The following GLRB variants were observed in gnomAD, a reference collection of about 807,000 sequenced individuals.
The protein encoded by GLRB is glycine receptor subunit beta.
GLRB carries 33 observed loss-of-function variants against 54.2 expected under a neutral mutation model. The observed-to-expected ratio is 0.61, with a 90% CI of 0.46 to 0.81. The LOEUF (loss-of-function observed/expected upper bound fraction) is 0.81, where lower values mean the gene tolerates loss of function less well. Ranked by LOEUF, GLRB falls within the 40% of genes least tolerant of loss-of-function variation. GLRB has a pLI of 0.00. For synonymous variants in GLRB, 209 were observed against 208.2 expected (o/e 1.00, Z -0.03); for missense variants, 572 against 584.6 (o/e 0.98, Z 0.22).
At position 157,143,816 on chromosome 4, in the gene GLRB, CA is replaced by C; in HGVS notation, c.762del (p.Cys255AlafsTer8). ...TGTTTGCTTCTGAAAGGCTACTACA[CA>C]TGCGTGGAAGTCATCTTCACCCTGA... Reference protein sequence around the residue: ...TKYYKGTGYYTCVEVIFTLRR... With the variant: ...TKYYKGTGYYXCVEVIFTLRR... On this transcript the variant is annotated frameshift_variant, in exon 8 of 10. Coordinates refer to ENST00000264428, the MANE Select transcript of GLRB (RefSeq NM_000824.5). LOFTEE classifies it high-confidence loss of function. 1 of 1,613,250 alleles carries C rather than the reference CA, an allele frequency of 6.2e-7. No homozygotes were observed. Among genetic ancestry groups the C allele is most frequent in the Non-Finnish European group, 8.5e-7 (1 of 1,179,844 alleles).
intron 4 of GLRB, among the ~76,000 whole-genome samples, chr4:157,126,011 A>G (rs1440659688): frequency 6.6e-6 from 1 of 151,906 alleles, no homozygotes; most frequent in African/African-American, 2.4e-5. Context: ...AGAAAGCACA[A>G]TGCAGAACAC....
At chr4:157,124,337 A>G (rs1019192100) in intron 4 of GLRB, among the ~76,000 whole-genome samples, 17 of 151,682 alleles carry the variant, frequency 1.1e-4, no homozygotes, top group African/African-American at 4.1e-4. Context: ...TTTTCAATCT[A>G]GGTTTTTCAT....
intron 4 of GLRB, among the ~76,000 whole-genome samples, chr4:157,124,856 A>C (rs78634779): frequency 0.033 from 5,049 of 151,990 alleles, 104 homozygotes; most frequent in Non-Finnish European, 0.051. Flanking sequence ...AGATGTAAAT[A>C]TTCCATTTTA....
At chr4:157,112,417 A>G (rs1288665342) in intron 2 of GLRB, among the ~76,000 whole-genome samples, 2 of 152,040 alleles carry the variant, frequency 1.3e-5, no homozygotes, top group African/African-American at 4.8e-5. Flanking sequence ...AAACTGTTAA[A>G]TGAATTAAGG....
At chr4:157,148,552 G>T (rs560642778) in intron 8 of GLRB, among the ~76,000 whole-genome samples, 1 of 151,804 alleles carries the variant, frequency 6.6e-6, no homozygotes, top group Non-Finnish European at 1.5e-5. Context: ...CACAAATTTT[G>T]GTATATTGTA....
At chr4:157,124,213 G>A (rs1735933879) in intron 4 of GLRB, among the ~76,000 whole-genome samples, 1 of 151,726 alleles carries the variant, frequency 6.6e-6, no homozygotes, top group South Asian at 2.1e-4. Context: ...CTTATCCTCG[G>A]TACCAGATTC....
rs17035650 is a variant in GLRB at position 157,097,574 on chromosome 4, C to T, written c.122+19428C>T. Among the ~76,000 whole-genome samples, 1,150 of 152,222 alleles carry T rather than the reference C, an allele frequency of 7.6e-3. 16 individuals are homozygous for T. Among genetic ancestry groups the T allele is most frequent in the African/African-American group, 0.027 (1,113 of 41,538 alleles). On this transcript the variant is annotated intron_variant, in intron 2 of 9. Coordinates refer to ENST00000264428, the MANE Select transcript of GLRB (RefSeq NM_000824.5). Reference sequence around the variant, plus strand: ...TTGATGGGCTATGTATTAGGGCACCCAAATTTGTCCACCTAATTTTTTCCA... The same window carrying T: ...TTGATGGGCTATGTATTAGGGCACCTAAATTTGTCCACCTAATTTTTTCCA...
chr4:157,125,990 G>T (rs887989248), intron 4 of GLRB, among the ~76,000 whole-genome samples: 1 of 151,752 alleles, frequency 6.6e-6, no homozygotes. Context: ...TCAGCAGATA[G>T]TGCTTATTAA....
chr4:157,134,220 C>A (rs1189880005), intron 4 of GLRB, among the ~76,000 whole-genome samples: 1 of 151,892 alleles, frequency 6.6e-6, no homozygotes, highest in Non-Finnish European at 1.5e-5. Flanking sequence ...AGCAGCCAAC[C>A]AGTATACATT....
chr4:157,164,057 G>C (rs1292592977), intron 9 of GLRB, among the ~76,000 whole-genome samples: 1 of 151,942 alleles, frequency 6.6e-6, no homozygotes, highest in African/African-American at 2.4e-5. Context: ...TGTTGTTGCT[G>C]TTCTGTCTAC....
intron 8 of GLRB, among the ~76,000 whole-genome samples, chr4:157,146,321 A>C (rs1416057966): frequency 1.3e-5 from 2 of 151,470 alleles, no homozygotes; most frequent in African/African-American, 2.4e-5. Flanking sequence ...GGCCGATTTT[A>C]GTTTTTATTC....
At chr4:157,144,057 T>C in intron 8 of GLRB, 98 bp downstream of exon 8, 5 of 1,264,250 alleles carry the variant, frequency 4.0e-6, no homozygotes, top group Non-Finnish European at 4.6e-6. Context: ...AGTTTTAGAA[T>C]TGTTAGCCAC....
intron 1 of GLRB, among the ~76,000 whole-genome samples, chr4:157,076,760 C>G (rs1360456116): frequency 2.6e-5 from 4 of 151,902 alleles, no homozygotes; most frequent in African/African-American, 9.7e-5. Context: ...GGAGAAGTAC[C>G]TGCTGCTGTG....
chr4:157,136,568 A>G lies in GLRB; in HGVS notation c.397A>G (p.Thr133Ala). The G allele has an allele frequency of 1.2e-6, 2 of 1,612,166 alleles. No individual in the cohort carries two copies. The highest frequency in any genetic ancestry group is 1.7e-6 in the Non-Finnish European group (2 of 1,178,244). ...RGSDALTVDP[T>A]MYKCLWKPDL... ...TTCAGATGCACTGACAGTGGATCCA[A>G]CAATGTACAAGTGTTTATGGAAACC... Residue 133 changes from threonine to alanine, a missense_variant, in exon 5 of 10, where the codon ACA becomes GCA. Physicochemically the swap from Thr to Ala is moderately conservative, Grantham distance 58. Transcript: ENST00000264428.
intron 2 of GLRB, among the ~76,000 whole-genome samples, chr4:157,084,148 T>G (rs1330496358): frequency 1.3e-5 from 2 of 152,222 alleles, no homozygotes; most frequent in African/African-American, 4.8e-5. Context: ...TTGCCATTTC[T>G]ATTTTTGCTC....
chr4:157,126,179 C>T (rs967267317), intron 4 of GLRB, among the ~76,000 whole-genome samples: 3 of 151,782 alleles, frequency 2.0e-5, no homozygotes, highest in Non-Finnish European at 2.9e-5. Context: ...ATGTTATTGT[C>T]AGGAAATTTT....
chr4:157,148,444 A>G (rs1579240330), intron 8 of GLRB, among the ~76,000 whole-genome samples: 1 of 152,108 alleles, frequency 6.6e-6, no homozygotes, highest in East Asian at 1.9e-4. Context: ...TAATTGCTGA[A>G]AGTAGGACTC....
chr4:157,168,994 T>C (rs1321298492), intron 9 of GLRB, among the ~76,000 whole-genome samples: 1 of 152,118 alleles, frequency 6.6e-6, no homozygotes, highest in African/African-American at 2.4e-5. Flanking sequence ...CTAGGAAATA[T>C]ATATATAAAT....
In GLRB at chr4:157,136,603, T is replaced by A; in HGVS notation, c.432T>A (p.Phe144Leu). 1 of 1,613,248 alleles carries A rather than the reference T, an allele frequency of 6.2e-7. No homozygotes were observed. The highest frequency in any genetic ancestry group is 8.5e-7 in the Non-Finnish European group (1 of 1,179,326). ...AGTGTTTATGGAAACCTGATTTATT[T>A]TTTGCAAATGAAAAAAGTGCCAATT... ...MYKCLWKPDL[F>L]FANEKSANFH... Residue 144 changes from phenylalanine (F) to leucine (L), a missense_variant, in exon 5 of 10, where the codon TTT (phenylalanine) becomes TTA (leucine). Physicochemically the swap from Phe to Leu is conservative, Grantham distance 22 (BLOSUM62 0). Coordinates refer to ENST00000264428, the MANE Select transcript of GLRB (RefSeq NM_000824.5).
Sources: allele counts gnomAD v4.1 joint callset (sites outside exome capture counted in the v4.1 genomes callset), GRCh38; gene constraint gnomAD v4.1.1; transcripts MANE v1.5; gene names NCBI Gene and HGNC (gene_info 2026-07-23, HGNC 2026-07-21).